Variants in PADI4 observed in about 807,000 individuals in gnomAD.
The protein encoded by PADI4 is protein-arginine deiminase type-4.
Under a neutral mutation model 75.0 loss-of-function variants are expected in PADI4, and 62 were observed. That is an observed-to-expected ratio of 0.83 (90% CI 0.67 to 1.02). PADI4 has a LOEUF of 1.02. Among genes scored for constraint, PADI4 ranks in the 50% least tolerant of loss-of-function variants. The pLI, the probability that PADI4 is intolerant of heterozygous loss-of-function variation, is 0.00. For missense variants in PADI4, 845 were observed against 850.5 expected (o/e 0.99, Z 0.08); for synonymous variants, 361 against 348.1 (o/e 1.04, Z -0.41).
At position 17,346,940 on chromosome 1, in the gene PADI4, T is replaced by G. The variant is rs1345355152; in HGVS notation, c.1047+801T>G. On this transcript the variant is annotated intron_variant, in intron 9 of 15. Coordinates refer to ENST00000375448, the MANE Select transcript of PADI4 (RefSeq NM_012387.3). This position sits in a 1 kb window ranked among gnomAD's most constrained non-coding sequence, Gnocchi z 4.3. ...AACATCCTTTCTTCCTTTCTTGCCA[T>G]TCCATCTTTTCTTTTCTTTTTTTTT... 3.3e-5 allele frequency among the ~76,000 whole-genome samples: 5 copies of G among 151,906 alleles called. No homozygotes were observed. Among genetic ancestry groups the G allele is most frequent in the Non-Finnish European group, 7.4e-5 (5 of 67,976 alleles).
At chr1:17,318,437 G>A (rs1370458140) in intron 1 of PADI4, among the ~76,000 whole-genome samples, 1 of 152,166 alleles carries the variant, frequency 6.6e-6, no homozygotes, top group Admixed American at 6.5e-5. Flanking sequence ...TCTGCTGCAG[G>A]CATGTGAACA....
rs751620514 is a variant in PADI4 at position 17,338,061 on chromosome 1, T to A, written c.432T>A (p.Cys144Ter). The change falls in exon 5 of 16, where the codon TGT (cysteine) becomes TGA (stop). Residue 144 changes from cysteine to a stop codon, truncating the protein, a stop_gained. Transcript: ENST00000375448. LOFTEE classifies it high-confidence loss of function. ...AGAGGACCTGGACCTGGGGCCCTTG[T>A]GGACAGGGTGCCATCCTGCTGGTGA... is the stretch of plus-strand genomic sequence containing the variant. The part of the protein sequence containing the change: ...KDQRTWTWGP[C>*]GQGAILLVNC... 1 of 1,613,532 alleles carries A rather than the reference T, an allele frequency of 6.2e-7. No homozygotes were observed. The highest frequency in any genetic ancestry group is 8.5e-7 in the Non-Finnish European group (1 of 1,179,462).
intron 1 of PADI4, among the ~76,000 whole-genome samples, chr1:17,313,498 C>CAAAAAAAA (rs71014933): frequency 1.0e-4 from 7 of 68,362 alleles, no homozygotes; most frequent in Admixed American, 2.1e-4. Context: ...AAGACCTTGT[C>CAAAAAAAA]AAAAAAAAAA....
intron 1 of PADI4, among the ~76,000 whole-genome samples, chr1:17,317,163 C>A (rs1339111205): frequency 6.6e-6 from 1 of 151,954 alleles, no homozygotes; most frequent in Admixed American, 6.6e-5. Context: ...TGGACTCAAG[C>A]AATCCACTTG....
At position 17,356,208 on chromosome 1, in the gene PADI4, T is replaced by A; in HGVS notation, c.1455+81T>A. 1 of 1,485,346 alleles carries A rather than the reference T, an allele frequency of 6.7e-7. No homozygotes were observed. Among genetic ancestry groups the A allele is most frequent in the Non-Finnish European group, 9.2e-7 (1 of 1,081,962 alleles). The allele number at this position is 1,485,346 out of a possible 1,614,324, so 92.0% of individuals were successfully genotyped here. A position where few individuals can be genotyped will look rare whatever the true frequency, so the allele number is the denominator to read the frequency against. Reference sequence around the variant, plus strand: ...TGCCTGGGGTGGGAGCAACTTTACTTGTCTATTTCTCCTTCACCCTTAGGA... The same window carrying A: ...TGCCTGGGGTGGGAGCAACTTTACTAGTCTATTTCTCCTTCACCCTTAGGA... On this transcript the variant is annotated intron_variant, in intron 12 of 15. Coordinates refer to ENST00000375448, the MANE Select transcript of PADI4 (RefSeq NM_012387.3). This position sits in a 1 kb window ranked among gnomAD's most constrained non-coding sequence, Gnocchi z 4.1.
intron 1 of PADI4, among the ~76,000 whole-genome samples, chr1:17,310,239 G>C (rs2073795664): frequency 6.6e-6 from 1 of 152,092 alleles, no homozygotes; most frequent in African/African-American, 2.4e-5. Flanking sequence ...GGAAACAGAG[G>C]CTCCAAGAAG....
Position 17,336,321 on chromosome 1 carries a change from A to G in PADI4, c.408+95A>G, listed in dbSNP as rs1570037299. 2.0e-5 allele frequency: 16 copies of G among 811,580 alleles called. No individual in the cohort carries two copies. The East Asian group carries it at 4.0e-4, about 20-fold the overall frequency. The allele number at this position is 811,580 out of a possible 1,614,324, so 50.3% of individuals were successfully genotyped here. On this transcript the variant is annotated intron_variant, in intron 4 of 15. Coordinates refer to ENST00000375448, the MANE Select transcript of PADI4 (RefSeq NM_012387.3). ...GGGCAAATGCTGGCCTGTCCCACGT[A>G]TTCCGTGTTAACTGTTAAAAAAAGA...
rs112487759 is a variant in PADI4 at position 17,320,589 on chromosome 1, A to G, written c.93-10380A>G. ...TATAGGGTAACTTCCAAGCGTTGCC[A>G]TAGTATCCGTAAACTGTCATGACGC... On this transcript the variant is annotated intron_variant, in intron 1 of 15. Transcript: ENST00000375448. Among the ~76,000 whole-genome samples the G allele has an allele frequency of 4.8e-3, 732 of 152,324 alleles. 7 individuals carry two copies. Among genetic ancestry groups the G allele is most frequent in the African/African-American group, 0.017 (688 of 41,556 alleles).
chr1:17,323,705 C>A (rs892808413), intron 1 of PADI4, among the ~76,000 whole-genome samples: 1 of 152,018 alleles, frequency 6.6e-6, no homozygotes, highest in Non-Finnish European at 1.5e-5. Context: ...TGATGGTGCA[C>A]ACCTGTAGTC....
intron 15 of PADI4, among the ~76,000 whole-genome samples, chr1:17,362,202 ACT>A (rs1206072689): frequency 6.6e-6 from 1 of 151,912 alleles, no homozygotes. Context: ...ACATGGAGAA[ACT>A]CTGTCTCTAC....
intron 10 of PADI4, among the ~76,000 whole-genome samples, chr1:17,353,116 T>C (rs1459951324): frequency 6.6e-6 from 1 of 152,076 alleles, no homozygotes; most frequent in Non-Finnish European, 1.5e-5. Flanking sequence ...AGAAGCGGGT[T>C]GGTCTGGGTT....
chr1:17,318,716 C>G (rs1270691722), intron 1 of PADI4, among the ~76,000 whole-genome samples: 1 of 145,556 alleles, frequency 6.9e-6, no homozygotes, highest in Non-Finnish European at 1.5e-5. Flanking sequence ...GATGGAGTCT[C>G]GCTCTATCAC....
rs200461292 is a variant in PADI4 at position 17,308,221 on chromosome 1, C to G, written c.-2C>G. 1 of 1,613,682 alleles carries G rather than the reference C, an allele frequency of 6.2e-7. No homozygotes were observed. Among genetic ancestry groups the G allele is most frequent in the African/African-American group, 1.3e-5 (1 of 74,904 alleles). ...CAGCCAGAGGGACGAGCTAGCCCGA[C>G]GATGGCCCAGGGGACATTGATCCGT... On this transcript the variant is annotated 5_prime_UTR_variant, in exon 1 of 16. Transcript: ENST00000375448.
intron 15 of PADI4, 120 bp downstream of exon 15, chr1:17,359,528 C>G: frequency 2.9e-6 from 4 of 1,386,698 alleles, no homozygotes; most frequent in Non-Finnish European, 4.0e-6. Flanking sequence ...CCGTTTGTAG[C>G]TTTGTCCTGA....
chr1:17,324,768 G>A (rs2074092396), intron 1 of PADI4, among the ~76,000 whole-genome samples: 1 of 152,204 alleles, frequency 6.6e-6, no homozygotes, highest in South Asian at 2.1e-4. Context: ...TCACATTTAA[G>A]TCTTTATCTC....
rs745654510 is a variant in PADI4 at position 17,331,093 on chromosome 1, G to C, written c.217G>C (p.Gly73Arg). 1.2e-6 allele frequency: 2 copies of C among 1,612,458 alleles called. No homozygotes were observed. The highest frequency in any genetic ancestry group is 1.7e-6 in the Non-Finnish European group (2 of 1,179,276). Residue 73 changes from glycine (G) to arginine (R), a missense_variant, in exon 2 of 16, where the codon GGG (glycine) becomes CGG (arginine). Physicochemically the swap from Gly to Arg is moderately radical, Grantham distance 125. Coordinates refer to ENST00000375448, the MANE Select transcript of PADI4 (RefSeq NM_012387.3). ...TGSSTWPLDP[G>R]VEVTLTMKVA... ...TTCCTCCACATGGCCCCTGGACCCTGGGGTAGAGGTGACCCTGACGATGAA... is the reference window on the plus strand; with the variant it reads ...TTCCTCCACATGGCCCCTGGACCCTCGGGTAGAGGTGACCCTGACGATGAA...
intron 4 of PADI4, 24 bp downstream of exon 4, chr1:17,336,250 T>G: frequency 6.2e-7 from 1 of 1,600,464 alleles, no homozygotes; most frequent in Non-Finnish European, 8.6e-7. Context: ...AAACGCTCCT[T>G]TCCTACTTCT....
chr1:17,319,852 T>C (rs2074003606), intron 1 of PADI4, among the ~76,000 whole-genome samples: 3 of 152,296 alleles, frequency 2.0e-5, no homozygotes, highest in South Asian at 4.1e-4. Flanking sequence ...AAACAGTGCT[T>C]GGTATAAAAG....
At chr1:17,333,655 C>T (rs1266205443) in intron 2 of PADI4, among the ~76,000 whole-genome samples, 1 of 151,842 alleles carries the variant, frequency 6.6e-6, no homozygotes, top group African/African-American at 2.4e-5. Flanking sequence ...TGGGCCCCTA[C>T]TCCCTTTCCC....
Sources: gnomAD v4.1 joint callset for allele counts (sites outside exome capture counted in the v4.1 genomes callset) on GRCh38, gnomAD v4.1.1 for gene constraint, Gnocchi (gnomAD v3.1) non-coding constraint, MANE v1.5 for transcripts, NCBI Gene and HGNC (gene_info 2026-07-23, HGNC 2026-07-21) for gene names.